Variants in SNX8 observed in about 807,000 individuals in gnomAD.
The protein encoded by SNX8 is sorting nexin-8.
In SNX8, 25 loss-of-function variants were observed where a neutral mutation model predicts 51.6. The ratio of observed to expected loss-of-function variants is 0.48; its 90% CI spans 0.35 to 0.68. The LOEUF (loss-of-function observed/expected upper bound fraction) is 0.68. Ranked by LOEUF, SNX8 falls within the 30% of genes least tolerant of loss-of-function variation. The pLI, the probability that SNX8 is intolerant of heterozygous loss-of-function variation, is 0.00. For missense variants in SNX8, 695 were observed against 624.0 expected (o/e 1.11, Z -1.21); for synonymous variants, 324 against 277.0 (o/e 1.17, Z -1.68).
chr7:2,350,425 A>G (rs1779114136), intron 1 of SNX8, among the ~76,000 whole-genome samples: 1 of 152,244 alleles, frequency 6.6e-6, no homozygotes, highest in Admixed American at 6.5e-5. Context: ...CAACAAACCC[A>G]TAAAACTTAT....
intron 1 of SNX8, among the ~76,000 whole-genome samples, chr7:2,350,952 A>T (rs1315648696): frequency 6.6e-6 from 1 of 152,054 alleles, no homozygotes; most frequent in African/African-American, 2.4e-5. Context: ...TCGCTCTCTA[A>T]ATAAACAATT....
intron 1 of SNX8, among the ~76,000 whole-genome samples, chr7:2,283,811 G>C (rs1287193304): frequency 6.6e-6 from 1 of 152,108 alleles, no homozygotes; most frequent in Non-Finnish European, 1.5e-5. Flanking sequence ...TTTTTTGGAG[G>C]GGGTGCCGGA....
intron 1 of SNX8, among the ~76,000 whole-genome samples, chr7:2,304,343 GAC>G (rs1796495799): frequency 6.6e-6 from 1 of 151,320 alleles, no homozygotes; most frequent in South Asian, 2.1e-4. Context: ...AGGAGATAGA[GAC>G]CATCCTGGCT....
intron 1 of SNX8, among the ~76,000 whole-genome samples, chr7:2,350,159 A>G (rs1364873724): frequency 6.6e-6 from 1 of 152,200 alleles, no homozygotes; most frequent in Non-Finnish European, 1.5e-5. Context: ...CATTCTGTTA[A>G]GATAAACCCA....
At chr7:2,332,933 G>A (rs1272703618) in intron 1 of SNX8, among the ~76,000 whole-genome samples, 2 of 151,644 alleles carry the variant, frequency 1.3e-5, no homozygotes, top group Admixed American at 6.6e-5. Flanking sequence ...GAGAGAGAGG[G>A]AACAAACTTG....
At chr7:2,272,486 T>G (rs993105164) in intron 3 of SNX8, among the ~76,000 whole-genome samples, 2 of 151,820 alleles carry the variant, frequency 1.3e-5, no homozygotes, top group African/African-American at 4.8e-5. Flanking sequence ...GCGATTCTCC[T>G]GTCTCAGCCT....
At position 2,255,068 on chromosome 7, in the gene SNX8, C is replaced by A. The variant is rs751286351; in HGVS notation, c.1386G>T (p.Leu462=). ...TPPCSPPEDG[L]CPH ...TCAGCCTCAGGCGCTAGTGAGGACA[C>A]AGGCCGTCCTCCGGCGGGGAGCACG... Residue 462 remains leucine, a synonymous_variant, in exon 11 of 11, where the codon CTG becomes CTT. Coordinates refer to ENST00000222990, the MANE Select transcript of SNX8 (RefSeq NM_013321.4). The A allele has an allele frequency of 6.4e-7, 1 of 1,567,860 alleles. No individual in the cohort carries two copies.
chr7:2,270,150 G>A (rs1212966939), intron 4 of SNX8, among the ~76,000 whole-genome samples: 2 of 151,904 alleles, frequency 1.3e-5, no homozygotes, highest in African/African-American at 2.4e-5. Flanking sequence ...CCTGGCACCG[G>A]AGCCCTCTCA....
In SNX8 at chr7:2,314,408, G is replaced by A. The variant is rs1192572941; in HGVS notation, c.14C>T (p.Ala5Val). The change falls in exon 1 of 11, where the codon GCG becomes GTG. Residue 5 changes from alanine to valine, a missense_variant. Transcript: ENST00000222990. MTGRAMDPLPAAAVG... is the reference protein window; with the variant it reads MTGRVMDPLPAAAVG... ...TGCAGCCGCGGGCAGCGGGTCCATC[G>A]CGCGGCCAGTCATGTGAGCCCGCGC... The A allele has an allele frequency of 3.3e-6, 4 of 1,217,862 alleles. No homozygotes were observed. Among genetic ancestry groups the A allele is most frequent in the African/African-American group, 3.1e-5 (2 of 63,710 alleles). The allele number at this position is 1,217,862 out of a possible 1,614,324, so 75.4% of individuals were successfully genotyped here. A position where few individuals can be genotyped will look rare whatever the true frequency, so the allele number is the denominator to read the frequency against.
At position 2,344,557 on chromosome 7, in the gene SNX8, G is replaced by C. The variant is rs1285681994; in HGVS notation, c.-66+9665C>G. The stretch of plus-strand genomic sequence containing the variant: ...AACCTGGGAGGCGGAGGTAGCAGTG[G>C]GCCGAGATCGCGCCACTGCACTCCA... On this transcript the variant is annotated intron_variant, in intron 1 of 5. Coordinates refer to the SNX8 transcript ENST00000435336. Among the ~76,000 whole-genome samples, 3 of 151,112 alleles carry C rather than the reference G, an allele frequency of 2.0e-5. No homozygotes were observed. The Admixed American group carries it at 2.0e-4, about 10-fold the overall frequency.
chr7:2,345,137 A>T (rs2115248722), intron 1 of SNX8, among the ~76,000 whole-genome samples: 1 of 152,274 alleles, frequency 6.6e-6, no homozygotes. Context: ...TCATAGAGAC[A>T]AGCATAAGAG....
intron 2 of SNX8, 29 bp from the exon 3 acceptor site, chr7:2,275,258 C>T (rs528732307): frequency 1.3e-5 from 20 of 1,497,110 alleles, no homozygotes; most frequent in African/African-American, 2.8e-5. Flanking sequence ...TGCTTAGATC[C>T]GACGTTGGAA....
intron 1 of SNX8, among the ~76,000 whole-genome samples, chr7:2,282,937 T>C (rs569635488): frequency 4.6e-5 from 7 of 151,312 alleles, no homozygotes; most frequent in African/African-American, 9.7e-5. Flanking sequence ...CTGGCTAACA[T>C]GGTGAAACCC....
At chr7:2,262,564 T>C (rs1346309565) in intron 7 of SNX8, among the ~76,000 whole-genome samples, 1 of 152,146 alleles carries the variant, frequency 6.6e-6, no homozygotes, top group African/African-American at 2.4e-5. Flanking sequence ...AAGTCTCCAG[T>C]GCCAAATCCT....
chr7:2,296,148 C>T (rs1358261112), intron 1 of SNX8, among the ~76,000 whole-genome samples: 1 of 152,114 alleles, frequency 6.6e-6, no homozygotes. Context: ...CACACTGACT[C>T]TGTAGATTGC....
At chr7:2,262,885 AG>A (rs1279675247) in intron 7 of SNX8, among the ~76,000 whole-genome samples, 107 of 152,330 alleles carry the variant, frequency 7.0e-4, no homozygotes, top group Non-Finnish European at 1.5e-4. Context: ...TGGGAGGCCG[AG>A]GCGGGCAGGT....
At chr7:2,346,983 C>G (rs964201153) in intron 1 of SNX8, among the ~76,000 whole-genome samples, 5 of 151,140 alleles carry the variant, frequency 3.3e-5, no homozygotes, top group Admixed American at 6.6e-5. Flanking sequence ...GATTCCTGTC[C>G]ATGCCTCACT....
intron 5 of SNX8, among the ~76,000 whole-genome samples, chr7:2,266,652 T>TG (rs1261693298): frequency 1.3e-5 from 2 of 152,138 alleles, no homozygotes; most frequent in East Asian, 3.9e-4. Context: ...GCCGGTTTTT[T>TG]GGGGTTTGTT....
intron 1 of SNX8, among the ~76,000 whole-genome samples, chr7:2,339,507 C>T (rs1225580145): frequency 6.6e-6 from 1 of 152,092 alleles, no homozygotes; most frequent in African/African-American, 2.4e-5. Flanking sequence ...TATTAAAAGA[C>T]TTAAAAGAAG....
Sources: allele counts gnomAD v4.1 joint callset (sites outside exome capture counted in the v4.1 genomes callset), GRCh38; gene constraint gnomAD v4.1.1; transcripts MANE v1.5; gene names NCBI Gene and HGNC (gene_info 2026-07-23, HGNC 2026-07-21).